PRKG1: variants seen among roughly 807,000 people sequenced by gnomAD.
PRKG1 encodes the protein cGMP-dependent protein kinase 1.
Under a neutral mutation model 88.1 loss-of-function variants are expected in PRKG1, and 35 were observed. That is an observed-to-expected ratio of 0.40 (90% CI 0.30 to 0.53). The LOEUF is 0.53. Among genes scored for constraint, PRKG1 ranks in the 20% least tolerant of loss-of-function variants. The pLI is 0.59. For missense variants in PRKG1, 540 were observed against 839.8 expected (o/e 0.64, Z 4.41); for synonymous variants, 303 against 292.5 (o/e 1.04, Z -0.37).
intron 3 of PRKG1, among the ~76,000 whole-genome samples, chr10:51,714,932 A>G (rs76194186): frequency 0.021 from 3,180 of 152,360 alleles, 169 homozygotes; most frequent in Admixed American, 0.11. Flanking sequence ...TTCTTATGAA[A>G]TTATCTCTTA....
chr10:51,822,954 T>C (rs1839786840), intron 4 of PRKG1, among the ~76,000 whole-genome samples: 1 of 152,166 alleles, frequency 6.6e-6, no homozygotes, highest in African/African-American at 2.4e-5. Context: ...CCTGACACTA[T>C]TTAGTGGGAA....
intron 4 of PRKG1, among the ~76,000 whole-genome samples, chr10:51,894,254 G>A (rs1485952596): frequency 6.6e-6 from 1 of 152,128 alleles, no homozygotes; most frequent in African/African-American, 2.4e-5. Context: ...AATTATCTGA[G>A]TAGAAGAACA....
At chr10:51,917,318 C>CAA (rs1288522303) in intron 5 of PRKG1, among the ~76,000 whole-genome samples, 1,684 of 69,406 alleles carry the variant, frequency 0.024, 45 homozygotes, top group African/African-American at 0.049. Context: ...GACTCCATCT[C>CAA]AAAAAAAAAA....
chr10:51,026,767 T>C (rs941078503), intron 1 of PRKG1, among the ~76,000 whole-genome samples: 1 of 152,142 alleles, frequency 6.6e-6, no homozygotes, highest in Non-Finnish European at 1.5e-5. Flanking sequence ...GGGAATTAAA[T>C]AGGGTGGAGG....
chr10:51,577,082 T>C (rs146262898), intron 3 of PRKG1, among the ~76,000 whole-genome samples: 112 of 152,152 alleles, frequency 7.4e-4, no homozygotes, highest in African/African-American at 2.5e-3. Flanking sequence ...ATTTCTGAGA[T>C]GGATTAAAAT....
At chr10:51,836,059 T>C (rs1409751576) in intron 4 of PRKG1, among the ~76,000 whole-genome samples, 2 of 152,144 alleles carry the variant, frequency 1.3e-5, no homozygotes, top group African/African-American at 2.4e-5. Flanking sequence ...AATACTCTCC[T>C]GAATAGCAAA....
At chr10:51,429,679 A>G (rs569487611) in intron 2 of PRKG1, among the ~76,000 whole-genome samples, 1 of 152,268 alleles carries the variant, frequency 6.6e-6, no homozygotes, top group South Asian at 2.1e-4. Flanking sequence ...TTTGAGAAGT[A>G]TAATTAAATG....
Position 51,623,912 on chromosome 10 carries a change from A to G in PRKG1, c.592+156076A>G, listed in dbSNP as rs1490206646. Among the ~76,000 whole-genome samples the G allele has an allele frequency of 3.9e-5, 6 of 151,978 alleles. No individual in the cohort carries two copies. In the South Asian group the frequency reaches 6.2e-4, roughly 16 times the overall value. The stretch of plus-strand genomic sequence containing the variant: ...GCACAGGCATTACCGTGTAATTTCT[A>G]TTGTTCTTATGCTTGCTATTTTTCT... On this transcript the variant is annotated intron_variant, in intron 3 of 17. Coordinates refer to ENST00000373980, the MANE Select transcript of PRKG1 (RefSeq NM_006258.4).
chr10:51,078,278 G>C (rs150827371), intron 1 of PRKG1, among the ~76,000 whole-genome samples: 1 of 151,952 alleles, frequency 6.6e-6, no homozygotes, highest in African/African-American at 2.4e-5. Context: ...GAGTGCAGTG[G>C]CACGATCTTG....
chr10:51,357,266 C>T (rs916245665), intron 2 of PRKG1, among the ~76,000 whole-genome samples: 1 of 151,912 alleles, frequency 6.6e-6, no homozygotes, highest in Non-Finnish European at 1.5e-5. Context: ...AACCTAAACC[C>T]TTTGGATTAA....
intron 2 of PRKG1, among the ~76,000 whole-genome samples, chr10:51,434,678 C>A (rs1255763585): frequency 6.6e-6 from 1 of 152,072 alleles, no homozygotes; most frequent in East Asian, 1.9e-4. Flanking sequence ...ATTTTCATTT[C>A]TCTTTATCTT....
At chr10:51,309,515 G>T (rs1252383249) in intron 2 of PRKG1, among the ~76,000 whole-genome samples, 1 of 152,084 alleles carries the variant, frequency 6.6e-6, no homozygotes, top group Non-Finnish European at 1.5e-5. Flanking sequence ...CTAATCATCA[G>T]AAAAGAGCAA....
chr10:51,349,743 G>A (rs1409049208), intron 2 of PRKG1, among the ~76,000 whole-genome samples: 1 of 152,066 alleles, frequency 6.6e-6, no homozygotes, highest in Non-Finnish European at 1.5e-5. Context: ...CTGACCTCAA[G>A]TGATCTGGCT....
At chr10:52,236,023 C>T (rs1447416687) in intron 9 of PRKG1, among the ~76,000 whole-genome samples, 1 of 123,996 alleles carries the variant, frequency 8.1e-6, no homozygotes, top group Non-Finnish European at 1.7e-5. Context: ...CACTCAAAGC[C>T]GCTCAACTAT....
At chr10:51,094,088 G>A (rs1236397046) in intron 1 of PRKG1, among the ~76,000 whole-genome samples, 2 of 151,908 alleles carry the variant, frequency 1.3e-5, no homozygotes, top group Non-Finnish European at 2.9e-5. Context: ...TGTCTATCCG[G>A]ATCTAGGCTC....
At chr10:51,462,422 C>T (rs1839770680) in intron 2 of PRKG1, among the ~76,000 whole-genome samples, 2 of 152,166 alleles carry the variant, frequency 1.3e-5, no homozygotes, top group Non-Finnish European at 2.9e-5. Flanking sequence ...CCGGGAGGTT[C>T]TGAGTCTCCC....
chr10:51,540,399 A>G (rs1368734309), intron 3 of PRKG1, among the ~76,000 whole-genome samples: 1 of 152,334 alleles, frequency 6.6e-6, no homozygotes, highest in Admixed American at 6.5e-5. Flanking sequence ...ATATTGAGTA[A>G]GAATAATTCT....
intron 9 of PRKG1, among the ~76,000 whole-genome samples, chr10:52,192,566 T>C (rs1045377776): frequency 6.6e-6 from 1 of 152,136 alleles, no homozygotes; most frequent in Non-Finnish European, 1.5e-5. Context: ...TAGATTGATA[T>C]TCTCAATTTC....
intron 5 of PRKG1, among the ~76,000 whole-genome samples, chr10:51,935,313 A>G (rs1490180035): frequency 6.6e-6 from 1 of 152,136 alleles, no homozygotes; most frequent in Non-Finnish European, 1.5e-5. Flanking sequence ...AAAACTCAGT[A>G]TAACCTGTGG....
Sources: allele counts gnomAD v4.1 joint callset (sites outside exome capture counted in the v4.1 genomes callset), GRCh38; gene constraint gnomAD v4.1.1; transcripts MANE v1.5; gene names NCBI Gene and HGNC (gene_info 2026-07-23, HGNC 2026-07-21).